MMP16: variants seen among roughly 807,000 people sequenced by gnomAD.
The protein encoded by MMP16 is matrix metallopeptidase 16.
Under a neutral mutation model 67.8 loss-of-function variants are expected in MMP16, and 12 were observed. The ratio of observed to expected loss-of-function variants is 0.18; its 90% CI spans 0.11 to 0.29. The LOEUF (loss-of-function observed/expected upper bound fraction) is 0.29, where lower values mean the gene tolerates loss of function less well. MMP16 is among the 10% of genes least tolerant of loss of function. The pLI, the probability that MMP16 is intolerant of heterozygous loss-of-function variation, is 1.00. For missense variants in MMP16, 475 were observed against 765.7 expected, an observed-to-expected ratio of 0.62 and a Z score of 4.48; for synonymous variants, 249 against 255.9, an observed-to-expected ratio of 0.97 and a Z score of 0.26.
chr8:88,206,483 T>A (rs973668839), intron 1 of MMP16, among the ~76,000 whole-genome samples: 1 of 152,122 alleles, frequency 6.6e-6, no homozygotes, highest in Non-Finnish European at 1.5e-5. Flanking sequence ...GTCTAAAGGA[T>A]CCCAGTCAGA....
At chr8:88,169,903 G>T (rs1255297184) in intron 3 of MMP16, among the ~76,000 whole-genome samples, 2 of 152,162 alleles carry the variant, frequency 1.3e-5, no homozygotes, top group Admixed American at 1.3e-4. Context: ...CATGAACAGA[G>T]ACATGACATT....
intron 7 of MMP16, among the ~76,000 whole-genome samples, chr8:88,066,251 T>C (rs1321941280): frequency 1.3e-5 from 2 of 152,242 alleles, no homozygotes; most frequent in East Asian, 1.9e-4. Flanking sequence ...CTCATAACCA[T>C]TCAGTCTTAA....
At chr8:88,090,161 A>C (rs1029446902) in intron 6 of MMP16, among the ~76,000 whole-genome samples, 73 of 151,990 alleles carry the variant, frequency 4.8e-4, no homozygotes, top group African/African-American at 1.6e-3. Context: ...AAGGTTTTAG[A>C]ATTTTTCAGT....
At chr8:88,087,312 C>A (rs564509266) in intron 6 of MMP16, among the ~76,000 whole-genome samples, 2 of 152,014 alleles carry the variant, frequency 1.3e-5, no homozygotes, top group South Asian at 4.1e-4. Flanking sequence ...CTAGGCTTCA[C>A]CTCCTCTGGG....
At chr8:88,147,012 T>C (rs573976663) in intron 4 of MMP16, among the ~76,000 whole-genome samples, 1 of 152,022 alleles carries the variant, frequency 6.6e-6, no homozygotes, top group African/African-American at 2.4e-5. Context: ...AAACTACAGA[T>C]AGTAGAATTT....
At chr8:88,144,807 C>A (rs1446563488) in intron 4 of MMP16, among the ~76,000 whole-genome samples, 1 of 151,800 alleles carries the variant, frequency 6.6e-6, no homozygotes, top group Admixed American at 6.6e-5. Flanking sequence ...ATCCAAGATA[C>A]AATTTAAGAC....
At position 88,265,223 on chromosome 8, in the gene MMP16, C is replaced by CTTTTTT. The variant is rs398008661; in HGVS notation, c.132+61846_132+61851dup. Among the ~76,000 whole-genome samples, 145 of 100,742 alleles carry CTTTTTT rather than the reference C, an allele frequency of 1.4e-3. 7 individuals are homozygous for CTTTTTT. In the East Asian group the frequency reaches 0.015, roughly 10 times the overall value. 66.1% of individuals were successfully genotyped at this position (100,742 alleles called of 152,430 possible). On this transcript the variant is annotated intron_variant, in intron 1 of 9. Transcript: ENST00000286614. ...AACTAAGGGTAGAAATGACCATTTCCTTTTTTTTTTTTTTTTTTTTCAGAT... is the reference window on the plus strand; with the variant it reads ...AACTAAGGGTAGAAATGACCATTTCCTTTTTTTTTTTTTTTTTTTTTTTTTTCAGAT...
intron 6 of MMP16, among the ~76,000 whole-genome samples, chr8:88,088,084 A>ATAGATAATAGATATCTATATATC (rs1808871280): frequency 8.8e-6 from 1 of 113,764 alleles, no homozygotes. Flanking sequence ...CTATATATCT[A>ATAGATAATAGATATCTATATATC]TATATAATAG....
chr8:88,197,921 T>C (rs1347170045), intron 1 of MMP16, among the ~76,000 whole-genome samples: 2 of 152,204 alleles, frequency 1.3e-5, no homozygotes, highest in African/African-American at 4.8e-5. Flanking sequence ...GGTGACTCAC[T>C]TTAATCTAAA....
chr8:88,295,218 T>C (rs543317798), intron 1 of MMP16, among the ~76,000 whole-genome samples: 1 of 152,336 alleles, frequency 6.6e-6, no homozygotes, highest in Admixed American at 6.5e-5. Flanking sequence ...ATTACTTCGA[T>C]GTTTCCTCCT....
intron 6 of MMP16, among the ~76,000 whole-genome samples, chr8:88,077,210 C>T (rs779215863): frequency 9.2e-5 from 14 of 152,180 alleles, no homozygotes; most frequent in Non-Finnish European, 1.6e-4. Flanking sequence ...TTCAACTTAT[C>T]CTCAGTTTAG....
chr8:88,309,832 T>C (rs1811269027), intron 1 of MMP16, among the ~76,000 whole-genome samples: 1 of 152,078 alleles, frequency 6.6e-6, no homozygotes, highest in South Asian at 2.1e-4. Flanking sequence ...CAACTCTTCA[T>C]GGGCCTTCAT....
Position 88,197,539 on chromosome 8 carries a change from AAG to A in MMP16, c.133-235_133-234del, listed in dbSNP as rs547791974. On this transcript the variant is annotated intron_variant, in intron 1 of 9. Coordinates refer to ENST00000286614, the MANE Select transcript of MMP16 (RefSeq NM_005941.5). ...CATACCTTCTAATGTTAATTAAAAA[AAG>A]AGTAATTATTTGTTGCAAGCTTATA... 5.2e-3 allele frequency among the ~76,000 whole-genome samples: 787 copies of A among 152,298 alleles called. 4 individuals are homozygous for A. The highest frequency in any genetic ancestry group is 7.2e-3 in the Admixed American group (110 of 15,290).
intron 3 of MMP16, among the ~76,000 whole-genome samples, chr8:88,180,453 A>T (rs984904274): frequency 3.3e-5 from 5 of 152,128 alleles, no homozygotes; most frequent in Non-Finnish European, 7.4e-5. Flanking sequence ...AGAAAGATAT[A>T]TTATCTTTAT....
intron 9 of MMP16, among the ~76,000 whole-genome samples, chr8:88,042,745 C>T (rs548301319): frequency 6.6e-6 from 1 of 152,238 alleles, no homozygotes; most frequent in African/African-American, 2.4e-5. Flanking sequence ...ATACAATAGA[C>T]TTTTAAGCTC....
At chr8:88,102,540 T>G (rs1809163015) in intron 6 of MMP16, among the ~76,000 whole-genome samples, 2 of 151,716 alleles carry the variant, frequency 1.3e-5, no homozygotes, top group African/African-American at 4.8e-5. Context: ...GTGGCTTCAT[T>G]ATGTAAGCAT....
At chr8:88,162,450 G>A (rs1374422874) in intron 4 of MMP16, among the ~76,000 whole-genome samples, 6 of 152,030 alleles carry the variant, frequency 3.9e-5, no homozygotes, top group Non-Finnish European at 8.8e-5. Flanking sequence ...ATGTAGTAGA[G>A]TTAATATTTT....
intron 4 of MMP16, among the ~76,000 whole-genome samples, chr8:88,125,551 A>T (rs1807915779): frequency 6.6e-6 from 1 of 151,956 alleles, no homozygotes; most frequent in Non-Finnish European, 1.5e-5. Flanking sequence ...TACGTTAGTC[A>T]GGTAAAGTAG....
At chr8:88,253,318 C>T (rs1386124154) in intron 1 of MMP16, among the ~76,000 whole-genome samples, 2 of 152,106 alleles carry the variant, frequency 1.3e-5, no homozygotes, top group Admixed American at 6.6e-5. Flanking sequence ...GTACTGCACA[C>T]AGTGACTTCC....
Sources: allele counts gnomAD v4.1 joint callset (sites outside exome capture counted in the v4.1 genomes callset), GRCh38; gene constraint gnomAD v4.1.1; transcripts MANE v1.5; gene names NCBI Gene and HGNC (gene_info 2026-07-23, HGNC 2026-07-21).